Variants in CPNE4 observed in about 807,000 individuals in gnomAD.
CPNE4 encodes copine-4.
In CPNE4, 25 loss-of-function variants were observed where a neutral mutation model predicts 67.9. The ratio of observed to expected loss-of-function variants is 0.37; its 90% CI spans 0.27 to 0.51. CPNE4 has a LOEUF of 0.51. Ranked by LOEUF, CPNE4 falls within the 20% of genes least tolerant of loss-of-function variation. CPNE4 has a pLI of 0.93. For synonymous variants in CPNE4, 242 were observed against 244.9 expected (o/e 0.99, Z 0.11); for missense variants, 464 against 690.8 (o/e 0.67, Z 3.68).
In CPNE4 at chr3:132,027,552, C is replaced by T. The variant is rs190987495; in HGVS notation, c.-2+7015G>A. 1.2e-4 allele frequency among the ~76,000 whole-genome samples: 19 copies of T among 152,120 alleles called. No homozygotes were observed. The East Asian group carries it at 2.7e-3, about 22-fold the overall frequency. ...ATTCACAATCAGTCAAGTCACAGGA[C>T]GTAAAGGCCACCAAGCAAAAGAAAT... is the stretch of plus-strand genomic sequence containing the variant. On this transcript the variant is annotated intron_variant, in intron 1 of 15. Transcript: ENST00000429747.
At chr3:131,957,016 C>G (rs2071996157) in intron 1 of CPNE4, among the ~76,000 whole-genome samples, 1 of 152,180 alleles carries the variant, frequency 6.6e-6, no homozygotes, top group Non-Finnish European at 1.5e-5. Context: ...GTTATAGCCA[C>G]ACTAATTCAG....
chr3:131,902,930 C>T (rs1194148395), intron 2 of CPNE4, among the ~76,000 whole-genome samples: 1 of 152,070 alleles, frequency 6.6e-6, no homozygotes, highest in Admixed American at 6.6e-5. Flanking sequence ...ACATTCTAAG[C>T]CTTCGATAGG....
intron 1 of CPNE4, among the ~76,000 whole-genome samples, chr3:131,968,296 G>A (rs1448479721): frequency 6.6e-6 from 1 of 152,126 alleles, no homozygotes; most frequent in East Asian, 1.9e-4. Flanking sequence ...ACATAGGCAT[G>A]GGCAAAGACT....
intron 2 of CPNE4, among the ~76,000 whole-genome samples, chr3:131,843,242 A>T (rs2085864943): frequency 6.6e-6 from 1 of 152,198 alleles, no homozygotes; most frequent in African/African-American, 2.4e-5. Flanking sequence ...GGGGAGGGGA[A>T]GAGGAGGCAG....
chr3:131,593,701 GGTTT>G (rs981277116), intron 7 of CPNE4, among the ~76,000 whole-genome samples: 27 of 152,008 alleles, frequency 1.8e-4, no homozygotes, highest in African/African-American at 4.6e-4. Context: ...CCAGGACTAT[GGTTT>G]GTTTGTTTGT....
chr3:131,614,386 C>T (rs1474437780), intron 7 of CPNE4, among the ~76,000 whole-genome samples: 1 of 152,142 alleles, frequency 6.6e-6, no homozygotes, highest in Non-Finnish European at 1.5e-5. Context: ...TGATAACTTA[C>T]TAGGAACTGC....
intron 1 of CPNE4, among the ~76,000 whole-genome samples, chr3:132,012,814 A>G (rs567197894): frequency 2.6e-4 from 40 of 152,348 alleles, no homozygotes; most frequent in African/African-American, 9.4e-4. Context: ...TCTAAGTACT[A>G]TGACATTAAT....
chr3:131,969,508 A>G (rs1477798984), intron 1 of CPNE4, among the ~76,000 whole-genome samples: 1 of 152,142 alleles, frequency 6.6e-6, no homozygotes, highest in Non-Finnish European at 1.5e-5. Flanking sequence ...TGTAAAGGAT[A>G]TTTGTCTCTT....
Position 131,843,887 on chromosome 3 carries a change from G to A in CPNE4, c.180+61377C>T, listed in dbSNP as rs2085892723. 2.0e-5 allele frequency among the ~76,000 whole-genome samples: 3 copies of A among 152,138 alleles called. No homozygotes were observed. In the South Asian group the frequency reaches 6.2e-4, roughly 32 times the overall value. On this transcript the variant is annotated intron_variant, in intron 2 of 15. Coordinates refer to ENST00000429747, the MANE Select transcript of CPNE4 (RefSeq NM_130808.3). ...AGGGAGGAGATTGAGGGGATGTATT[G>A]CCATGAAACCTTTACAAAGAGCATG... is the stretch of plus-strand genomic sequence containing the variant.
intron 2 of CPNE4, among the ~76,000 whole-genome samples, chr3:131,728,941 G>T (rs931073815): frequency 4.6e-5 from 7 of 150,960 alleles, no homozygotes; most frequent in Non-Finnish European, 1.0e-4. Context: ...TGTGTGCGGG[G>T]CAATGTGTCA....
rs150551953 is a variant in CPNE4 at position 131,758,911 on chromosome 3, A to G, written c.181-35286T>C. On this transcript the variant is annotated intron_variant, in intron 2 of 15. Transcript: ENST00000429747. The stretch of plus-strand genomic sequence containing the variant: ...TAAGAAGTGCCTTTTGCCTCCCACC[A>G]TGATTCTGAGGCCTCCCCAGGCATA... 9.8e-3 allele frequency among the ~76,000 whole-genome samples: 1,492 copies of G among 152,236 alleles called. 18 individuals carry two copies. The highest frequency in any genetic ancestry group is 0.034 in the African/African-American group (1,414 of 41,534).
intron 1 of CPNE4, among the ~76,000 whole-genome samples, chr3:132,014,858 A>C (rs2073854440): frequency 6.6e-6 from 1 of 152,154 alleles, no homozygotes; most frequent in Admixed American, 6.5e-5. Context: ...TGTGGAAAAA[A>C]ATTGACTTTT....
chr3:131,809,481 A>G (rs999013394), intron 2 of CPNE4, among the ~76,000 whole-genome samples: 11 of 152,180 alleles, frequency 7.2e-5, no homozygotes, highest in Admixed American at 3.9e-4. Flanking sequence ...GTAATTTGTT[A>G]TAACAAGCAA....
intron 7 of CPNE4, among the ~76,000 whole-genome samples, chr3:131,625,300 A>C (rs1441570997): frequency 6.6e-6 from 1 of 152,190 alleles, no homozygotes; most frequent in African/African-American, 2.4e-5. Context: ...ACAAACATTT[A>C]TTAGGCCTCT....
intron 7 of CPNE4, among the ~76,000 whole-genome samples, chr3:131,594,017 C>T (rs963064144): frequency 7.9e-5 from 12 of 152,074 alleles, no homozygotes; most frequent in African/African-American, 2.4e-4. Flanking sequence ...CACGCCTGCC[C>T]GGCCTTCCAG....
At chr3:131,972,723 G>C (rs1181940769) in intron 1 of CPNE4, among the ~76,000 whole-genome samples, 1 of 152,124 alleles carries the variant, frequency 6.6e-6, no homozygotes, top group Non-Finnish European at 1.5e-5. Context: ...GGCCAGAAGT[G>C]ATCTAGGCTC....
chr3:131,572,265 TAAA>T (rs1937375914), intron 10 of CPNE4, among the ~76,000 whole-genome samples: 1 of 151,956 alleles, frequency 6.6e-6, no homozygotes, highest in African/African-American at 2.4e-5. Context: ...GGAAGTTTAA[TAAA>T]GGGACAATTC....
intron 2 of CPNE4, among the ~76,000 whole-genome samples, chr3:131,796,045 A>G (rs891681662): frequency 6.6e-6 from 1 of 152,170 alleles, no homozygotes; most frequent in African/African-American, 2.4e-5. Flanking sequence ...CATGGGAGTC[A>G]TTTAACTTAT....
chr3:131,608,060 A>T (rs1939610675), intron 7 of CPNE4, among the ~76,000 whole-genome samples: 1 of 152,168 alleles, frequency 6.6e-6, no homozygotes, highest in African/African-American at 2.4e-5. Flanking sequence ...CAAGAAAATA[A>T]CTTGTTTATG....
Sources: allele counts gnomAD v4.1 joint callset (sites outside exome capture counted in the v4.1 genomes callset), GRCh38; gene constraint gnomAD v4.1.1; transcripts MANE v1.5; gene names NCBI Gene and HGNC (gene_info 2026-07-23, HGNC 2026-07-21).